Variants in RILPL1 observed in about 807,000 individuals in gnomAD.
RILPL1 encodes Rab interacting lysosomal protein like 1, also known as RILP-like protein 1.
RILPL1 carries 33 observed loss-of-function variants against 50.3 expected under a neutral mutation model. That is an observed-to-expected ratio of 0.66 (90% CI 0.50 to 0.88). The LOEUF is 0.88. Ranked by LOEUF, RILPL1 falls within the 40% of genes least tolerant of loss-of-function variation. RILPL1 has a pLI of 0.00. For missense variants in RILPL1, 418 were observed against 542.5 expected (o/e 0.77, Z 2.28); for synonymous variants, 205 against 228.6 (o/e 0.90, Z 0.93).
intron 4 of RILPL1, among the ~76,000 whole-genome samples, chr12:123,497,560 G>T (rs190533256): frequency 1.3e-3 from 197 of 151,368 alleles, no homozygotes; most frequent in African/African-American, 4.6e-3. Context: ...AGCTAATTTT[G>T]TATTTTTTTT....
chr12:123,504,048 C>T (rs1315103734), intron 2 of RILPL1, among the ~76,000 whole-genome samples: 1 of 150,748 alleles, frequency 6.6e-6, no homozygotes, highest in South Asian at 2.1e-4. Context: ...AACACAACTG[C>T]AAAGACATTA....
intron 6 of RILPL1, among the ~76,000 whole-genome samples, chr12:123,478,695 C>G (rs962015132): frequency 5.9e-5 from 9 of 152,162 alleles, no homozygotes; most frequent in Admixed American, 4.6e-4. Flanking sequence ...AGTTCTCATC[C>G]CCTGCTTCCC....
intron 4 of RILPL1, among the ~76,000 whole-genome samples, chr12:123,487,309 C>CTT (rs35920839): frequency 4.1e-5 from 6 of 146,794 alleles, no homozygotes; most frequent in African/African-American, 1.0e-4. Flanking sequence ...GCACTTCACT[C>CTT]TTTTTTTTTT....
intron 2 of RILPL1, chr12:123,519,284 C>T (rs929881022): frequency 5.9e-5 from 9 of 151,992 alleles, no homozygotes; most frequent in Non-Finnish European, 2.9e-5. Flanking sequence ...TCTTCACACC[C>T]CATCCCCCGG....
chr12:123,511,264 G>T (rs1171301463), intron 2 of RILPL1, among the ~76,000 whole-genome samples: 11 of 148,440 alleles, frequency 7.4e-5, no homozygotes, highest in African/African-American at 1.0e-4. Context: ...AGGTCTGTGT[G>T]TGTGTGGTGT....
chr12:123,518,073 G>A (rs531167974), intron 2 of RILPL1, among the ~76,000 whole-genome samples: 7 of 152,298 alleles, frequency 4.6e-5, no homozygotes, highest in Admixed American at 1.3e-4. Context: ...GGCCAATGGC[G>A]TGGTGGGTGG....
chr12:123,529,737 A>G (rs921534993), intron 1 of RILPL1, among the ~76,000 whole-genome samples: 1 of 151,966 alleles, frequency 6.6e-6, no homozygotes, highest in Non-Finnish European at 1.5e-5. Flanking sequence ...GGAAAAAAAA[A>G]TTACAGTGTG....
intron 6 of RILPL1, among the ~76,000 whole-genome samples, chr12:123,482,762 C>T (rs576500651): frequency 3.0e-4 from 45 of 151,728 alleles, no homozygotes; most frequent in African/African-American, 1.1e-3. Context: ...GGGACCATAC[C>T]CAGCTAATTT....
At position 123,499,404 on chromosome 12, in the gene RILPL1, G is replaced by T. The variant is rs1160346098; in HGVS notation, c.579+14C>A. 38 of 1,586,944 alleles carry T rather than the reference G, an allele frequency of 2.4e-5. No individual in the cohort carries two copies. The East Asian group carries it at 8.5e-4, about 35-fold the overall frequency. ...GCTGGGAGGGTGGACGCAGGTCAGG[G>T]GTGTGTCACTCACAGCCTCAACGTC... On this transcript the variant is annotated intron_variant, in intron 3 of 6. Coordinates refer to ENST00000376874, the MANE Select transcript of RILPL1 (RefSeq NM_178314.5).
At chr12:123,499,126 G>C (rs796702345) in intron 3 of RILPL1, among the ~76,000 whole-genome samples, 1 of 152,202 alleles carries the variant, frequency 6.6e-6, no homozygotes, top group Admixed American at 6.5e-5. Context: ...GGCATGAAGT[G>C]GTGGGGCTGG....
chr12:123,529,873 C>CAAAAAA (rs35014721), intron 1 of RILPL1, among the ~76,000 whole-genome samples: 7 of 129,828 alleles, frequency 5.4e-5, no homozygotes, highest in Admixed American at 8.0e-5. Flanking sequence ...GTCCCTGACT[C>CAAAAAA]AAAAAAAAAA....
Position 123,471,203 on chromosome 12 carries a change from T to A in RILPL1, c.*1335A>T, listed in dbSNP as rs894517647. On this transcript the variant is annotated 3_prime_UTR_variant, in exon 7 of 7. Transcript: ENST00000376874. ...CTCCTGTCTCGGCCTCCTGAGCAGC[T>A]GGGATTATAGGCATGCACCACCTCG... is the stretch of plus-strand genomic sequence containing the variant. The A allele has an allele frequency of 5.9e-5, 9 of 152,072 alleles. No homozygotes were observed. Among genetic ancestry groups the A allele is most frequent in the Non-Finnish European group, 1.0e-4 (7 of 68,054 alleles). 9.4% of individuals were successfully genotyped at this position (152,072 alleles called of 1,614,324 possible).
At position 123,485,921 on chromosome 12, in the gene RILPL1, G is replaced by T; in HGVS notation, c.802-116C>A. The T allele has an allele frequency of 2.7e-6, 3 of 1,105,776 alleles. No individual in the cohort carries two copies. The highest frequency in any genetic ancestry group is 1.7e-5 in the South Asian group (1 of 57,272). The allele number at this position is 1,105,776 out of a possible 1,614,324, so 68.5% of individuals were successfully genotyped here. On this transcript the variant is annotated intron_variant, in intron 4 of 6. Transcript: ENST00000376874. This position sits in a 1 kb window ranked among gnomAD's most constrained non-coding sequence, Gnocchi z 4.0. ...CCGGGGTGCCAGCAGCCTGTGGAGGGTGCTATTTTCAGCACTCGCAGGCGG... is the reference window on the plus strand; with the variant it reads ...CCGGGGTGCCAGCAGCCTGTGGAGGTTGCTATTTTCAGCACTCGCAGGCGG...
At position 123,472,297 on chromosome 12, in the gene RILPL1, C is replaced by A; in HGVS notation, c.*241G>T. 2.1e-6 allele frequency: 1 copy of A among 480,208 alleles called. No individual in the cohort carries two copies. Among genetic ancestry groups the A allele is most frequent in the Non-Finnish European group, 3.7e-6 (1 of 268,438 alleles). The allele number at this position is 480,208 out of a possible 1,614,324, so 29.7% of individuals were successfully genotyped here. A position where few individuals can be genotyped will look rare whatever the true frequency, so the allele number is the denominator to read the frequency against. ...GTTTGTGGGATTATTAAATATATAT[C>A]CTACGGGATCAGAGTCATCTATTAG... On this transcript the variant is annotated 3_prime_UTR_variant, in exon 7 of 7. Coordinates refer to ENST00000376874, the MANE Select transcript of RILPL1 (RefSeq NM_178314.5).
intron 5 of RILPL1, 84 bp from the exon 6 acceptor site, chr12:123,484,356 T>A: frequency 1.1e-6 from 1 of 918,194 alleles, no homozygotes; most frequent in Non-Finnish European, 1.8e-6. Flanking sequence ...TGTCTGATGG[T>A]CTGAGAGGGT....
intron 2 of RILPL1, among the ~76,000 whole-genome samples, chr12:123,512,522 G>GGT (rs1456464891): frequency 7.4e-6 from 1 of 135,502 alleles, no homozygotes; most frequent in African/African-American, 2.8e-5. Flanking sequence ...GTGTGTGTGA[G>GGT]GTCTGTGTGT....
At chr12:123,474,908 C>CTGTGGT (rs2139303183) in intron 6 of RILPL1, 1 of 152,298 alleles carries the variant, frequency 6.6e-6, no homozygotes, top group South Asian at 2.1e-4. Flanking sequence ...TTACTGGATC[C>CTGTGGT]TACACTCACT....
chr12:123,481,759 A>T (rs1593536386), intron 6 of RILPL1, among the ~76,000 whole-genome samples: 1 of 150,090 alleles, frequency 6.7e-6, no homozygotes, highest in Non-Finnish European at 1.5e-5. Flanking sequence ...GTTTCTCCGT[A>T]TTGGTCAGGC....
At chr12:123,483,180 C>T (rs2139315301) in intron 6 of RILPL1, among the ~76,000 whole-genome samples, 1 of 152,266 alleles carries the variant, frequency 6.6e-6, no homozygotes, top group Non-Finnish European at 1.5e-5. Flanking sequence ...GAAGGCAGGC[C>T]CAGAGCCTGG....
Sources: allele counts gnomAD v4.1 joint callset (sites outside exome capture counted in the v4.1 genomes callset), GRCh38; gene constraint gnomAD v4.1.1; non-coding constraint Gnocchi (gnomAD v3.1); transcripts MANE v1.5; gene names NCBI Gene and HGNC (gene_info 2026-07-23, HGNC 2026-07-21).